Variants in CHRDL2 observed in about 807,000 individuals in gnomAD.
CHRDL2 encodes the protein chordin like 2, also known as chordin-like protein 2.
Under a neutral mutation model 54.3 loss-of-function variants are expected in CHRDL2, and 41 were observed. That is an observed-to-expected ratio of 0.76 (90% CI 0.59 to 0.98). The LOEUF is 0.98. Among genes scored for constraint, CHRDL2 ranks in the 50% least tolerant of loss-of-function variants. The pLI is 0.00. For missense variants in CHRDL2, 518 were observed against 562.4 expected, an observed-to-expected ratio of 0.92 and a Z score of 0.80; for synonymous variants, 220 against 224.3, an observed-to-expected ratio of 0.98 and a Z score of 0.17.
chr11:74,703,082 G>T, intron 8 of CHRDL2, 115 bp from the exon 9 acceptor site: 1 of 1,144,310 alleles, frequency 8.7e-7, no homozygotes, highest in South Asian at 1.5e-5. Flanking sequence ...CTGATTCTAT[G>T]TTAACAACCT....
Position 74,730,954 on chromosome 11 carries a change from C to T in CHRDL2, c.-66G>A, listed in dbSNP as rs531656191. On this transcript the variant is annotated 5_prime_UTR_variant, in exon 1 of 11. In the 5' UTR this introduces an upstream ATG that the reference lacks. Coordinates refer to ENST00000376332, the MANE Select transcript of CHRDL2 (RefSeq NM_001278473.3). ...GGGAGGAAGGGAGACGAAAAGGACA[C>T]GGAGGCACAGGGGCCACAGATCAAC... 15 of 1,367,700 alleles carry T rather than the reference C, an allele frequency of 1.1e-5. No individual in the cohort carries two copies. The highest frequency in any genetic ancestry group is 6.1e-5 in the Admixed American group (3 of 49,518). The allele number at this position is 1,367,700 out of a possible 1,614,324, so 84.7% of individuals were successfully genotyped here. A position where few individuals can be genotyped will look rare whatever the true frequency, so the allele number is the denominator to read the frequency against.
intron 6 of CHRDL2, 96 bp downstream of exon 6, chr11:74,706,391 G>T: frequency 8.3e-7 from 1 of 1,209,264 alleles, no homozygotes; most frequent in Non-Finnish European, 1.2e-6. Flanking sequence ...AAGAAATGAG[G>T]ACAATAACTG....
At chr11:74,729,625 T>A (rs78314876) in intron 1 of CHRDL2, among the ~76,000 whole-genome samples, 2,886 of 152,214 alleles carry the variant, frequency 0.019, 98 homozygotes, top group African/African-American at 0.066. Context: ...CACTACCAGC[T>A]CCAGAATGTC....
At chr11:74,716,310 G>A (rs2034349843) in intron 2 of CHRDL2, among the ~76,000 whole-genome samples, 1 of 152,144 alleles carries the variant, frequency 6.6e-6, no homozygotes, top group Non-Finnish European at 1.5e-5. Flanking sequence ...GCCAAAGAGG[G>A]CAGATCATGA....
chr11:74,697,494 C>T, intron 9 of CHRDL2, 197 bp from the exon 10 acceptor site: 1 of 594,308 alleles, frequency 1.7e-6, no homozygotes, highest in South Asian at 1.9e-5. Flanking sequence ...TATCCTCACT[C>T]AGGCCCCTGT....
intron 9 of CHRDL2, among the ~76,000 whole-genome samples, chr11:74,698,074 T>C (rs1254062097): frequency 1.3e-5 from 2 of 151,234 alleles, no homozygotes; most frequent in Non-Finnish European, 3.0e-5. Context: ...TTTCTTTTTT[T>C]TTTTTTTTGA....
At chr11:74,719,987 A>G (rs2034467145) in intron 1 of CHRDL2, among the ~76,000 whole-genome samples, 2 of 152,170 alleles carry the variant, frequency 1.3e-5, no homozygotes, top group Non-Finnish European at 2.9e-5. Context: ...GCCAGCAGGG[A>G]AAAACACTCC....
chr11:74,721,975 A>AT (rs1283438955), intron 1 of CHRDL2, among the ~76,000 whole-genome samples: 3 of 152,156 alleles, frequency 2.0e-5, no homozygotes, highest in Non-Finnish European at 4.4e-5. Context: ...GAATTGTCCA[A>AT]TGTTGTGGTT....
intron 3 of CHRDL2, among the ~76,000 whole-genome samples, chr11:74,711,746 G>C (rs1406114237): frequency 1.3e-5 from 2 of 152,014 alleles, no homozygotes; most frequent in Non-Finnish European, 2.9e-5. Flanking sequence ...AGGCTGAGGT[G>C]GGAGGATCAC....
chr11:74,730,374 T>C (rs945233859), intron 1 of CHRDL2, among the ~76,000 whole-genome samples: 3 of 152,130 alleles, frequency 2.0e-5, no homozygotes, highest in Admixed American at 2.0e-4. Context: ...CACTGGAGAG[T>C]TGCGAGGATC....
At chr11:74,728,354 G>A (rs1234774407) in intron 1 of CHRDL2, among the ~76,000 whole-genome samples, 3 of 152,102 alleles carry the variant, frequency 2.0e-5, no homozygotes, top group African/African-American at 4.8e-5. Context: ...CTAAGATGAG[G>A]ACCTTTGTAA....
chr11:74,699,373 C>G (rs1468893476), intron 9 of CHRDL2: 1 of 152,300 alleles, frequency 6.6e-6, no homozygotes, highest in Non-Finnish European at 1.5e-5. Context: ...TGTGGCAGGT[C>G]TGAGGGCAGG....
intron 7 of CHRDL2, 125 bp from the exon 8 acceptor site, chr11:74,703,624 T>A: frequency 1.3e-6 from 1 of 775,036 alleles, no homozygotes; most frequent in South Asian, 1.9e-5. Context: ...CTAGCCACAC[T>A]GCCTGCAAAG....
intron 2 of CHRDL2, among the ~76,000 whole-genome samples, chr11:74,714,296 T>C (rs963115507): frequency 6.6e-6 from 1 of 152,186 alleles, no homozygotes; most frequent in Non-Finnish European, 1.5e-5. Flanking sequence ...TCCAAGTTAG[T>C]GGCTGCTGGA....
chr11:74,730,809 G>T lies in CHRDL2; in HGVS notation c.80C>A (p.Ala27Asp), dbSNP rs1209988441. ...ACCCAGCCTCCCGGTCTACTTACGG[G>T]CTCGAGCGTGGGAGTCCAGGGGGAA... ...LWFPLDSHAR[A>D]RPDMFCLFHG... Residue 27 changes from alanine to aspartate, a missense_variant and splice_region_variant, in exon 1 of 11, where the codon GCC (alanine) becomes GAC (aspartate). By Grantham distance (126) the Ala-to-Asp change is moderately radical (BLOSUM62 -2). Transcript: ENST00000376332. 2.5e-6 allele frequency: 4 copies of T among 1,610,384 alleles called. No individual in the cohort carries two copies. The highest frequency in any genetic ancestry group is 1.7e-5 in the Admixed American group (1 of 59,556).
intron 1 of CHRDL2, among the ~76,000 whole-genome samples, chr11:74,727,657 G>A (rs1377239387): frequency 6.6e-5 from 10 of 151,848 alleles, no homozygotes; most frequent in Admixed American, 5.9e-4. Flanking sequence ...CATCCACCTC[G>A]GCCTTTCAAA....
chr11:74,699,601 C>T (rs972175867), intron 9 of CHRDL2: 1 of 152,280 alleles, frequency 6.6e-6, no homozygotes, highest in African/African-American at 2.4e-5. Flanking sequence ...CCTTCCTAGA[C>T]AGGGCTTGGA....
intron 1 of CHRDL2, among the ~76,000 whole-genome samples, 162 bp downstream of exon 1, chr11:74,730,645 G>A (rs1008152302): frequency 1.3e-5 from 2 of 152,138 alleles, no homozygotes; most frequent in African/African-American, 4.8e-5. Flanking sequence ...GAGTTCCTCC[G>A]GTCCCCCGGC....
At chr11:74,716,066 G>A in intron 2 of CHRDL2, among the ~76,000 whole-genome samples, 1 of 152,104 alleles carries the variant, frequency 6.6e-6, no homozygotes, top group East Asian at 1.9e-4. Context: ...GTCAGGGAAG[G>A]CTTTATAAGG....
Sources: gnomAD v4.1 joint callset for allele counts (sites outside exome capture counted in the v4.1 genomes callset) on GRCh38, gnomAD v4.1.1 for gene constraint, MANE v1.5 for transcripts, NCBI Gene and HGNC (gene_info 2026-07-23, HGNC 2026-07-21) for gene names.